PPM1E: variants seen among roughly 807,000 people sequenced by gnomAD.
PPM1E encodes protein phosphatase, Mg2+/Mn2+ dependent 1E.
PPM1E carries 20 observed loss-of-function variants against 65.9 expected under a neutral mutation model. The ratio of observed to expected loss-of-function variants is 0.30; its 90% confidence interval spans 0.21 to 0.44. The LOEUF (loss-of-function observed/expected upper bound fraction) is 0.44, where lower values mean the gene tolerates loss of function less well. Ranked by LOEUF, PPM1E falls within the 20% of genes least tolerant of loss-of-function variation. The probability of loss-of-function intolerance (pLI) is 1.00; values close to 1 mark genes in which losing one functional copy is unlikely to be tolerated. For missense variants in PPM1E, 713 were observed against 953.1 expected (o/e 0.75, Z 3.32); for synonymous variants, 352 against 374.9 (o/e 0.94, Z 0.70).
intron 1 of PPM1E, among the ~76,000 whole-genome samples, chr17:58,859,848 G>A (rs931878775): frequency 1.3e-5 from 2 of 152,180 alleles, no homozygotes; most frequent in Non-Finnish European, 2.9e-5. Flanking sequence ...GGATCTCAAA[G>A]GTTGGTTATT....
At chr17:58,921,541 A>G (rs1331448240) in intron 1 of PPM1E, among the ~76,000 whole-genome samples, 2 of 151,806 alleles carry the variant, frequency 1.3e-5, no homozygotes, top group African/African-American at 4.8e-5. Flanking sequence ...ACAAACAAAC[A>G]AAAAACAACA....
intron 1 of PPM1E, among the ~76,000 whole-genome samples, chr17:58,841,205 T>C (rs754930298): frequency 1.3e-5 from 2 of 152,236 alleles, no homozygotes; most frequent in African/African-American, 2.4e-5. Flanking sequence ...TATGGAATAA[T>C]GCTAATTATA....
chr17:58,895,748 T>C (rs2051404767), intron 1 of PPM1E, among the ~76,000 whole-genome samples: 1 of 151,998 alleles, frequency 6.6e-6, no homozygotes, highest in Non-Finnish European at 1.5e-5. Context: ...AGATCAAGAC[T>C]AAAGCGAACC....
At chr17:58,877,920 C>T (rs1291761042) in intron 1 of PPM1E, among the ~76,000 whole-genome samples, 1 of 150,196 alleles carries the variant, frequency 6.7e-6, no homozygotes, top group Non-Finnish European at 1.5e-5. Flanking sequence ...TAAGAGGATC[C>T]ATAAATAATA....
chr17:58,915,451 G>A (rs1484993418), intron 1 of PPM1E, among the ~76,000 whole-genome samples: 1 of 152,114 alleles, frequency 6.6e-6, no homozygotes, highest in Non-Finnish European at 1.5e-5. Flanking sequence ...AGGTCTTCAA[G>A]ACCTGTGTCT....
rs144661922 is a variant in PPM1E at position 58,799,340 on chromosome 17, C to T, written c.464+42879C>T. Among the ~76,000 whole-genome samples the T allele has an allele frequency of 7.2e-5, 11 of 151,932 alleles. No individual in the cohort carries two copies. The East Asian group carries it at 1.7e-3, about 24-fold the overall frequency. ...TGTCACCCAGGCTGGAGTGCAGTGG[C>T]GCCGTCAGGGCTCACTGCAACCTCC... On this transcript the variant is annotated intron_variant, in intron 1 of 6. Coordinates refer to ENST00000308249, the MANE Select transcript of PPM1E (RefSeq NM_014906.5).
chr17:58,755,985 G>A lies in PPM1E; in HGVS notation c.-13G>A, dbSNP rs1567824156. On this transcript the variant is annotated 5_prime_UTR_variant, in exon 1 of 7. Transcript: ENST00000308249. The stretch of plus-strand genomic sequence containing the variant: ...CAACCCCTTTCCCGGTCTGCCCTGG[G>A]GCATGAGCAGCGATGGCCGGCTGCA... 3 of 1,613,928 alleles carry A rather than the reference G, an allele frequency of 1.9e-6. No individual in the cohort carries two copies. Among genetic ancestry groups the A allele is most frequent in the Admixed American group, 1.7e-5 (1 of 60,024 alleles).
At chr17:58,776,767 C>T (rs759071126) in intron 1 of PPM1E, among the ~76,000 whole-genome samples, 1 of 152,126 alleles carries the variant, frequency 6.6e-6, no homozygotes, top group Non-Finnish European at 1.5e-5. Flanking sequence ...TTCTTCAAAA[C>T]ATTAACTTGC....
chr17:58,769,087 G>C (rs796454506), intron 1 of PPM1E, among the ~76,000 whole-genome samples: 1 of 152,032 alleles, frequency 6.6e-6, no homozygotes, highest in African/African-American at 2.4e-5. Context: ...AAAAAAAAAT[G>C]CATTATTTTT....
In PPM1E at chr17:58,756,053, T is replaced by C; in HGVS notation, c.56T>C (p.Leu19Pro). The change falls in exon 1 of 7, where the codon CTG becomes CCG. Residue 19 changes from leucine (L) to proline (P), a missense_variant. Leu to Pro is a moderately conservative substitution (Grantham distance 98). Transcript: ENST00000308249. Reference protein sequence around the residue: ...KTYRRFLELFLGEFRGPCGGG... With the variant: ...KTYRRFLELFPGEFRGPCGGG... The stretch of plus-strand genomic sequence containing the variant: ...TACCGGCGCTTCCTGGAGCTATTCC[T>C]GGGCGAGTTTCGCGGACCGTGCGGC... The C allele has an allele frequency of 1.2e-6, 2 of 1,613,900 alleles. No homozygotes were observed. Among genetic ancestry groups the C allele is most frequent in the Non-Finnish European group, 1.7e-6 (2 of 1,179,894 alleles).
chr17:58,844,705 T>G (rs2050754537), intron 1 of PPM1E, among the ~76,000 whole-genome samples: 1 of 152,182 alleles, frequency 6.6e-6, no homozygotes, highest in African/African-American at 2.4e-5. Flanking sequence ...CTACTTAGAG[T>G]CTTTTATAGA....
At chr17:58,805,674 G>A (rs2050298643) in intron 1 of PPM1E, among the ~76,000 whole-genome samples, 1 of 151,776 alleles carries the variant, frequency 6.6e-6, no homozygotes, top group South Asian at 2.1e-4. Flanking sequence ...ATAATAATAT[G>A]TGACCTCACT....
chr17:58,859,567 T>C (rs1295294270), intron 1 of PPM1E, among the ~76,000 whole-genome samples: 1 of 152,148 alleles, frequency 6.6e-6, no homozygotes, highest in Non-Finnish European at 1.5e-5. Context: ...GTAAAGCAAA[T>C]AGAGTATAGG....
intron 4 of PPM1E, among the ~76,000 whole-genome samples, chr17:58,971,179 A>G (rs1310552083): frequency 2.0e-5 from 3 of 152,102 alleles, no homozygotes; most frequent in Admixed American, 6.6e-5. Context: ...TCTCCAGGGC[A>G]TATGCACTGA....
chr17:58,826,679 G>T (rs141632048), intron 1 of PPM1E, among the ~76,000 whole-genome samples: 4 of 152,078 alleles, frequency 2.6e-5, no homozygotes, highest in African/African-American at 9.7e-5. Flanking sequence ...AGGCTAGAGT[G>T]CAGTGCCACG....
intron 1 of PPM1E, among the ~76,000 whole-genome samples, chr17:58,860,724 G>T (rs750503257): frequency 6.6e-6 from 1 of 152,108 alleles, no homozygotes; most frequent in African/African-American, 2.4e-5. Flanking sequence ...CGGGCAGACC[G>T]CCTGAGGTCA....
chr17:58,878,389 C>T (rs1168136014), intron 1 of PPM1E, among the ~76,000 whole-genome samples: 4 of 151,674 alleles, frequency 2.6e-5, no homozygotes, highest in Admixed American at 1.3e-4. Context: ...ATTACAGGCA[C>T]GTGCCACCAC....
chr17:58,765,389 G>C (rs1464689378), intron 1 of PPM1E, among the ~76,000 whole-genome samples: 2 of 151,764 alleles, frequency 1.3e-5, no homozygotes, highest in Non-Finnish European at 2.9e-5. Flanking sequence ...TGTTGGCCAG[G>C]ATGGTCTTGA....
In PPM1E at chr17:58,981,024, T is replaced by C. The variant is rs1391979618; in HGVS notation, c.2261T>C (p.Ile754Thr). 2 of 1,581,948 alleles carry C rather than the reference T, an allele frequency of 1.3e-6. No homozygotes were observed. Among genetic ancestry groups the C allele is most frequent in the African/African-American group, 1.4e-5 (1 of 73,174 alleles). The change falls in exon 7 of 7, where the codon ATA becomes ACA. Residue 754 changes from isoleucine to threonine, a missense_variant. Transcript: ENST00000308249. ...PCPDLPWSYK[I>T]E ...CCAGATCTTCCTTGGAGCTATAAAATAGAATAATTTTTCTTTCAAGTAGGT... is the reference window on the plus strand; with the variant it reads ...CCAGATCTTCCTTGGAGCTATAAAACAGAATAATTTTTCTTTCAAGTAGGT...
Sources: allele counts gnomAD v4.1 joint callset (sites outside exome capture counted in the v4.1 genomes callset), GRCh38; gene constraint gnomAD v4.1.1; transcripts MANE v1.5; gene names NCBI Gene and HGNC (gene_info 2026-07-23, HGNC 2026-07-21).